Variants in GEMIN8 observed in about 807,000 individuals in gnomAD.
GEMIN8 encodes gem-associated protein 8.
For synonymous variants in GEMIN8, 80 were observed against 78.5 expected (o/e 1.02, Z -0.10); for missense variants, 185 against 205.9 (o/e 0.90, Z 0.62).
At chrX:13,992,342 T>A in the GEMIN8 span, among the ~76,000 whole-genome samples, 1 of 111,316 alleles carries the variant, frequency 9.0e-6, no homozygotes, top group Non-Finnish European at 1.9e-5. Context: ...TGTGGAGGCA[T>A]TGCAGTTTTA....
the GEMIN8 span, among the ~76,000 whole-genome samples, chrX:14,000,015 G>T: frequency 9.0e-6 from 1 of 111,422 alleles, no homozygotes; most frequent in Admixed American, 9.6e-5. Context: ...CTCAAATGGG[G>T]GAGAGAGAGT....
intron 4 of GEMIN8, among the ~76,000 whole-genome samples, chrX:14,016,778 T>C (rs1923929584): frequency 1.1e-5 from 1 of 92,839 alleles, no homozygotes; most frequent in Non-Finnish European, 2.1e-5. Context: ...CCGGGAGGCA[T>C]AGGTTGTAGT....
Position 14,021,664 on chromosome X carries a change from TG to T in GEMIN8, c.-33-154del, listed in dbSNP as rs1229651087. 2.8e-5 allele frequency among the ~76,000 whole-genome samples: 3 copies of T among 106,914 alleles called. No homozygotes were observed. The Admixed American group carries it at 3.1e-4, about 11-fold the overall frequency. 92.8% of individuals were successfully genotyped at this position (106,914 alleles called of 115,157 possible). On this transcript the variant is annotated intron_variant, in intron 2 of 4. Transcript: ENST00000680255. ...AACCTATCTATATGACGTTGGTTCC[TG>T]GGCTATAACTTTGTGGTCTGAAAAG...
intron 4 of GEMIN8, among the ~76,000 whole-genome samples, chrX:14,013,553 T>C (rs1211043346): frequency 1.8e-5 from 2 of 111,669 alleles, no homozygotes. Context: ...GATGAGATCA[T>C]ACTGGATTAG....
chrX:13,985,189 T>C, the GEMIN8 span, among the ~76,000 whole-genome samples: 1 of 111,628 alleles, frequency 9.0e-6, no homozygotes, highest in Non-Finnish European at 1.9e-5. Flanking sequence ...GGGTTATTTC[T>C]CTTCCAAATT....
At chrX:14,010,190 T>A (rs1923442450) in intron 4 of GEMIN8, among the ~76,000 whole-genome samples, 1 of 112,552 alleles carries the variant, frequency 8.9e-6, no homozygotes, top group Non-Finnish European at 1.9e-5. Flanking sequence ...CTAATTTAAA[T>A]GGATTCTTGT....
At chrX:14,025,604 AACTG>A (rs1185239284) in intron 2 of GEMIN8, among the ~76,000 whole-genome samples, 7 of 112,022 alleles carry the variant, frequency 6.2e-5, no homozygotes, top group African/African-American at 1.9e-4. Flanking sequence ...GAGGCAAGAA[AACTG>A]ACTATGACCA....
At chrX:13,988,266 C>T in the GEMIN8 span, among the ~76,000 whole-genome samples, 2 of 111,454 alleles carry the variant, frequency 1.8e-5, no homozygotes, top group African/African-American at 6.5e-5. Flanking sequence ...TGACAACCTC[C>T]CTCCCACAGG....
chrX:14,001,977 C>G (rs911804577), downstream of GEMIN8, among the ~76,000 whole-genome samples: 1 of 107,328 alleles, frequency 9.3e-6, no homozygotes, highest in Admixed American at 1.0e-4. Flanking sequence ...ACAAAAAAGC[C>G]GGGCGTGGTG....
At chrX:13,987,988 A>G in the GEMIN8 span, among the ~76,000 whole-genome samples, 1 of 111,183 alleles carries the variant, frequency 9.0e-6, no homozygotes, top group East Asian at 3.0e-4. Flanking sequence ...AGAAGGAAAA[A>G]TCTTTACAAT....
chrX:13,996,932 T>C, the GEMIN8 span, among the ~76,000 whole-genome samples: 1 of 83,622 alleles, frequency 1.2e-5, no homozygotes, highest in Non-Finnish European at 2.3e-5. Flanking sequence ...CTGTGGCTTG[T>C]CTTTTTTTTT....
chrX:13,985,082 C>G, the GEMIN8 span, among the ~76,000 whole-genome samples: 4 of 111,556 alleles, frequency 3.6e-5, no homozygotes, highest in Non-Finnish European at 7.5e-5. Context: ...TCCATTGCCT[C>G]ACCTCTGTAA....
At chrX:14,028,629 C>A (rs1178634727) in intron 1 of GEMIN8, among the ~76,000 whole-genome samples, 1 of 107,779 alleles carries the variant, frequency 9.3e-6, no homozygotes, top group Admixed American at 9.8e-5. Context: ...TAAAAAAAAA[C>A]CCAAAATGAT....
the GEMIN8 span, among the ~76,000 whole-genome samples, chrX:13,985,482 GATT>G: frequency 8.9e-6 from 1 of 112,010 alleles, no homozygotes; most frequent in Non-Finnish European, 1.9e-5. Context: ...CTCCACAGAT[GATT>G]ATTATTTTTA....
the GEMIN8 span, among the ~76,000 whole-genome samples, chrX:13,995,761 C>T: frequency 9.0e-6 from 1 of 111,650 alleles, no homozygotes; most frequent in East Asian, 2.8e-4. Flanking sequence ...TTATAAGGAC[C>T]CTTGTGATGA....
At chrX:14,020,608 A>G (rs1924249427) in intron 3 of GEMIN8, 74 bp from the exon 4 acceptor site, 3 of 670,758 alleles carry the variant, frequency 4.5e-6, no homozygotes, top group Non-Finnish European at 7.0e-6. Flanking sequence ...CAAATGTTTA[A>G]TCTGCTACCC....
chrX:14,019,098 C>T (rs891306410), intron 4 of GEMIN8, among the ~76,000 whole-genome samples: 1 of 112,183 alleles, frequency 8.9e-6, no homozygotes, highest in Admixed American at 9.5e-5. Context: ...AAAGCTAATT[C>T]ATCATTAGGA....
the GEMIN8 span, among the ~76,000 whole-genome samples, chrX:13,988,139 T>C: frequency 2.7e-5 from 3 of 110,782 alleles, no homozygotes; most frequent in East Asian, 2.9e-4. Context: ...GGACAGCCAA[T>C]AGTGTCTGCC....
chrX:14,015,455 A>G (rs1480815500), intron 4 of GEMIN8, among the ~76,000 whole-genome samples: 1 of 112,125 alleles, frequency 8.9e-6, no homozygotes, highest in East Asian at 2.8e-4. Context: ...GCATGTTCCC[A>G]CTGTACAAAA....
Sources: allele counts gnomAD v4.1 joint callset (sites outside exome capture counted in the v4.1 genomes callset), GRCh38; gene constraint gnomAD v4.1.1; transcripts MANE v1.5; gene names NCBI Gene and HGNC (gene_info 2026-07-23, HGNC 2026-07-21).